Variants in BBX observed in about 807,000 individuals in gnomAD.
The protein encoded by BBX is BBX high mobility group box domain containing, also known as HMG box transcription factor BBX.
Under a neutral mutation model 100.2 loss-of-function variants are expected in BBX, and 30 were observed. The observed-to-expected ratio is 0.30, with a 90% CI of 0.22 to 0.41. The LOEUF (loss-of-function observed/expected upper bound fraction) is 0.41. Ranked by LOEUF, BBX falls within the 10% of genes least tolerant of loss-of-function variation. BBX has a pLI of 1.00. For missense variants in BBX, 1,023 were observed against 1,129.8 expected (o/e 0.91, Z 1.35); for synonymous variants, 376 against 388.1 (o/e 0.97, Z 0.37).
intron 2 of BBX, among the ~76,000 whole-genome samples, chr3:107,555,157 C>T (rs908552972): frequency 5.3e-5 from 8 of 152,232 alleles, no homozygotes; most frequent in Admixed American, 3.9e-4. Flanking sequence ...TCTGCTAAAC[C>T]AAAGCTCCTA....
At chr3:107,586,641 TCA>T (rs1358942806) in intron 2 of BBX, among the ~76,000 whole-genome samples, 2 of 152,234 alleles carry the variant, frequency 1.3e-5, no homozygotes, top group Non-Finnish European at 2.9e-5. Context: ...TTAGGCTGGT[TCA>T]CAGAGTTGTC....
chr3:107,759,250 T>C (rs1027671664), intron 10 of BBX, among the ~76,000 whole-genome samples: 2 of 152,182 alleles, frequency 1.3e-5, no homozygotes, highest in African/African-American at 4.8e-5. Flanking sequence ...GGGTAGACTT[T>C]TAATAGCTGA....
Position 107,808,783 on chromosome 3 carries a change from TA to T in BBX, c.*3329del, listed in dbSNP as rs1185755743. On this transcript the variant is annotated 3_prime_UTR_variant, in exon 18 of 18. Transcript: ENST00000325805. ...ATTCATTAAAACCCCTTTTAAAAGG[TA>T]AATTCTACTGTTGTAATTCCGATAG... is the stretch of plus-strand genomic sequence containing the variant. 6.6e-6 allele frequency: 1 copy of T among 152,220 alleles called. No individual in the cohort carries two copies. The highest frequency in any genetic ancestry group is 1.5e-5 in the Non-Finnish European group (1 of 68,034). 9.4% of individuals were successfully genotyped at this position (152,220 alleles called of 1,614,324 possible).
At chr3:107,683,806 G>A (rs1334275537) in intron 3 of BBX, among the ~76,000 whole-genome samples, 2 of 152,104 alleles carry the variant, frequency 1.3e-5, no homozygotes, top group Non-Finnish European at 2.9e-5. Context: ...TTCTATCTAT[G>A]TGTCTATCAG....
chr3:107,732,008 T>C (rs2063347450), intron 6 of BBX, among the ~76,000 whole-genome samples: 1 of 152,136 alleles, frequency 6.6e-6, no homozygotes. Context: ...AGGACACAGG[T>C]GCCTTTTCTT....
intron 3 of BBX, among the ~76,000 whole-genome samples, chr3:107,701,141 T>C (rs1472469350): frequency 6.6e-6 from 1 of 152,170 alleles, no homozygotes; most frequent in African/African-American, 2.4e-5. Flanking sequence ...TTCTAACTGG[T>C]GTGAGATGGT....
At chr3:107,548,074 A>T (rs2049371607) in intron 2 of BBX, among the ~76,000 whole-genome samples, 1 of 152,110 alleles carries the variant, frequency 6.6e-6, no homozygotes, top group Admixed American at 6.6e-5. Flanking sequence ...TTAAATACTT[A>T]CCTGGGAGGC....
At chr3:107,769,061 G>A (rs1488919951) in intron 10 of BBX, among the ~76,000 whole-genome samples, 8 of 151,460 alleles carry the variant, frequency 5.3e-5, no homozygotes, top group Admixed American at 2.0e-4. Context: ...CTAGCTACTC[G>A]GGAGGCTGAA....
At chr3:107,576,030 T>C (rs1356803145) in intron 2 of BBX, among the ~76,000 whole-genome samples, 3 of 152,188 alleles carry the variant, frequency 2.0e-5, no homozygotes, top group Non-Finnish European at 4.4e-5. Flanking sequence ...AGCAAGACTT[T>C]GTCTCAAAGT....
intron 10 of BBX, among the ~76,000 whole-genome samples, chr3:107,770,334 C>T (rs1576724886): frequency 6.6e-6 from 1 of 152,172 alleles, no homozygotes; most frequent in African/African-American, 2.4e-5. Flanking sequence ...CTATTAAAAG[C>T]CACCAGAGTG....
Position 107,805,455 on chromosome 3 carries a change from T to C in BBX, c.2824T>C (p.Ter942ArgextTer6). The change falls in exon 18 of 18, where the codon TGA becomes CGA. Residue 942 changes from the stop codon to arginine (R), a stop_lost. Transcript: ENST00000325805. ...TGTACTTATTTCCTGCGCTGACCAG[T>C]GAAGCGCCCTTTCATTGTAAAACAT... is the stretch of plus-strand genomic sequence containing the variant. ...APVLISCADQ[*>R] 1 of 1,614,134 alleles carries C rather than the reference T, an allele frequency of 6.2e-7. No homozygotes were observed. Among genetic ancestry groups the C allele is most frequent in the Non-Finnish European group, 8.5e-7 (1 of 1,179,948 alleles).
rs1423935119 is a variant in BBX, at chr3:107,798,711, G to T, written c.2542G>T (p.Gly848Cys). ...AGATGGCCGGGTATCACCAGCAGGA[G>T]GTACTTTGGGTAAGAAGAGAGAGCT... ...TADGRVSPAGGTLDDKPKEQL... is the reference protein window; with the variant it reads ...TADGRVSPAGCTLDDKPKEQL... The change falls in exon 16 of 18, where the codon GGT becomes TGT. Residue 848 changes from glycine to cysteine, a missense_variant. This residue lies in a region of BBX where 104 missense variants were observed against 132.2 expected (regional missense o/e 0.79). Coordinates refer to ENST00000325805, the MANE Select transcript of BBX (RefSeq NM_001142568.3). 6.2e-7 allele frequency: 1 copy of T among 1,613,818 alleles called. No individual in the cohort carries two copies.
rs538238212 is a variant in BBX, at chr3:107,674,628, G to C, written c.-10+28719G>C. Among the ~76,000 whole-genome samples, 50 of 152,290 alleles carry C rather than the reference G, an allele frequency of 3.3e-4. 1 individual carries two copies. The highest frequency in any genetic ancestry group is 5.8e-4 in the East Asian group (3 of 5,176). ...GCCTGGCGGCAGCAGTACCAAATCT[G>C]TGTACTTGCATGTTTGAAAGCTGCT... On this transcript the variant is annotated intron_variant, in intron 3 of 17. Transcript: ENST00000325805.
At chr3:107,644,203 AACTT>A (rs34940298) in intron 2 of BBX, among the ~76,000 whole-genome samples, 111,653 of 151,376 alleles carry the variant, frequency 0.74, 42,011 homozygotes, top group East Asian at 0.97. Flanking sequence ...CTCCTGAAAG[AACTT>A]ACTTACGTAT....
intron 1 of BBX, among the ~76,000 whole-genome samples, chr3:107,525,062 C>A (rs2047655351): frequency 6.7e-6 from 1 of 149,924 alleles, no homozygotes; most frequent in Non-Finnish European, 1.5e-5. Flanking sequence ...GCGTGGGGGC[C>A]CCCACGCGGC....
At chr3:107,762,896 T>C (rs80228982) in intron 10 of BBX, among the ~76,000 whole-genome samples, 213 of 152,328 alleles carry the variant, frequency 1.4e-3, no homozygotes, top group Non-Finnish European at 2.5e-3. Flanking sequence ...CTTTGAGTTC[T>C]GCCATGACCT....
intron 2 of BBX, among the ~76,000 whole-genome samples, chr3:107,638,792 C>T (rs1471261824): frequency 1.2e-4 from 8 of 66,964 alleles, no homozygotes; most frequent in African/African-American, 6.7e-4. Context: ...CACACACACA[C>T]ACACACACAC....
At chr3:107,570,441 C>T (rs2051268780) in intron 2 of BBX, among the ~76,000 whole-genome samples, 1 of 152,026 alleles carries the variant, frequency 6.6e-6, no homozygotes, top group South Asian at 2.1e-4. Flanking sequence ...AGGGTTGCTA[C>T]CAAACAAGCC....
intron 10 of BBX, among the ~76,000 whole-genome samples, chr3:107,763,086 T>A (rs933866872): frequency 6.6e-6 from 1 of 152,204 alleles, no homozygotes; most frequent in Non-Finnish European, 1.5e-5. Context: ...CCCTAAGATA[T>A]GTCATTATGT....
Sources: allele counts gnomAD v4.1 joint callset (sites outside exome capture counted in the v4.1 genomes callset), GRCh38; gene constraint gnomAD v4.1.1; regional missense constraint gnomAD v4.1.1; transcripts MANE v1.5; gene names NCBI Gene and HGNC (gene_info 2026-07-23, HGNC 2026-07-21).